TCF4: variants seen among roughly 807,000 people sequenced by gnomAD.
The protein encoded by TCF4 is SL3-3 enhancer factor 2.
TCF4 carries 3 observed loss-of-function variants against 82.1 expected under a neutral mutation model. The observed-to-expected ratio is 0.04, with a 90% CI of 0.02 to 0.09. The LOEUF is 0.09. Among genes scored for constraint, TCF4 ranks in the 10% least tolerant of loss-of-function variants. The pLI, the probability that TCF4 is intolerant of heterozygous loss-of-function variation, is 1.00. For synonymous variants in TCF4, 276 were observed against 309.6 expected (o/e 0.89, Z 1.14); for missense variants, 518 against 852.7 (o/e 0.61, Z 4.89).
chr18:55,351,964 C>CT (rs1309764116), intron 6 of TCF4: 1 of 773,898 alleles, frequency 1.3e-6, no homozygotes, highest in African/African-American at 1.9e-5. Flanking sequence ...TTTATCGTTA[C>CT]TTGTAATCAA....
At chr18:55,495,762 T>G (rs1393104518) in intron 3 of TCF4, 3 of 152,176 alleles carry the variant, frequency 2.0e-5, no homozygotes, top group Non-Finnish European at 2.9e-5. Flanking sequence ...AATTGTATAC[T>G]AGGCAGCAAT....
At chr18:55,534,271 A>C (rs191531532) in intron 3 of TCF4, among the ~76,000 whole-genome samples, 8 of 152,330 alleles carry the variant, frequency 5.3e-5, no homozygotes, top group Non-Finnish European at 1.2e-4. Context: ...AATGCTTAAG[A>C]CTGGGCCTTC....
At chr18:55,384,112 T>A (rs1171786835) in intron 6 of TCF4, 2 of 152,248 alleles carry the variant, frequency 1.3e-5, no homozygotes, top group Non-Finnish European at 2.9e-5. Context: ...CGGGTTAATA[T>A]TCTTTTCTGA....
chr18:55,439,379 A>C (rs1004877375), intron 5 of TCF4, among the ~76,000 whole-genome samples: 2 of 152,204 alleles, frequency 1.3e-5, no homozygotes, highest in Admixed American at 1.3e-4. Context: ...ACCTTTGCCC[A>C]TCAAGTAGCT....
intron 3 of TCF4, among the ~76,000 whole-genome samples, chr18:55,575,603 C>T (rs1014137027): frequency 6.6e-5 from 10 of 151,994 alleles, no homozygotes; most frequent in African/African-American, 1.9e-4. Flanking sequence ...ATACCAAGCA[C>T]AGTCATTCAT....
intron 16 of TCF4, chr18:55,234,333 G>A (rs2048747522): frequency 3.1e-6 from 2 of 651,410 alleles, no homozygotes; most frequent in African/African-American, 3.6e-5. Context: ...ATAGGACCAG[G>A]ATTTCAGAGG....
chr18:55,274,008 A>AAATGGG (rs1192721857), intron 10 of TCF4, among the ~76,000 whole-genome samples: 2 of 152,142 alleles, frequency 1.3e-5, no homozygotes, highest in African/African-American at 4.8e-5. Flanking sequence ...AATTAATGTC[A>AAATGGG]AATGGGCAAC....
chr18:55,480,846 G>A (rs1363153462), intron 3 of TCF4, among the ~76,000 whole-genome samples: 1 of 152,196 alleles, frequency 6.6e-6, no homozygotes, highest in African/African-American at 2.4e-5. Context: ...GCTCACGCCT[G>A]TAATCCCAAC....
intron 5 of TCF4, among the ~76,000 whole-genome samples, chr18:55,444,678 G>A (rs757767283): frequency 6.6e-6 from 1 of 152,054 alleles, no homozygotes; most frequent in African/African-American, 2.4e-5. Context: ...TCTCTCTCTG[G>A]GGAACTTATC....
chr18:55,224,306 A>C lies in TCF4; in HGVS notation c.*3729T>G, dbSNP rs971131975. ...GCAAAACCAGCACTGCACAAAGATG[A>C]GTCCACTTCAAGTCCCATGAGAAAG... On this transcript the variant is annotated 3_prime_UTR_variant, in exon 20 of 20. Transcript: ENST00000354452. 1 of 152,610 alleles carries C rather than the reference A, an allele frequency of 6.6e-6. No homozygotes were observed. The highest frequency in any genetic ancestry group is 1.5e-5 in the Non-Finnish European group (1 of 68,026). The allele number at this position is 152,610 out of a possible 1,614,324, so 9.5% of individuals were successfully genotyped here.
At chr18:55,544,485 G>C (rs557645360) in intron 3 of TCF4, among the ~76,000 whole-genome samples, 3 of 152,254 alleles carry the variant, frequency 2.0e-5, no homozygotes, top group East Asian at 3.9e-4. Flanking sequence ...TTAGAGATAA[G>C]ATCATTTCTA....
intron 2 of TCF4, among the ~76,000 whole-genome samples, chr18:55,615,256 G>A (rs2147970771): frequency 6.6e-6 from 1 of 152,154 alleles, no homozygotes; most frequent in African/African-American, 2.4e-5. Context: ...TCTCAGCAAT[G>A]ATTTCTAGTT....
intron 5 of TCF4, among the ~76,000 whole-genome samples, chr18:55,415,558 G>C (rs770016110): frequency 1.3e-5 from 2 of 152,218 alleles, no homozygotes; most frequent in Non-Finnish European, 2.9e-5. Context: ...TGGGGGAGGA[G>C]GGGTACAGTC....
chr18:55,303,187 C>A (rs1245246889), intron 8 of TCF4, among the ~76,000 whole-genome samples: 1 of 148,688 alleles, frequency 6.7e-6, no homozygotes, highest in Non-Finnish European at 1.5e-5. Context: ...GAAAGAAGAA[C>A]CTCCTTCTCT....
chr18:55,585,323 T>C lies in TCF4; in HGVS notation c.102A>G (p.Lys34=). Residue 34 remains lysine, a synonymous_variant, in exon 3 of 20, where the codon AAA becomes AAG. Coordinates refer to ENST00000354452, the MANE Select transcript of TCF4 (RefSeq NM_001083962.2). ...CACTTGCCAAAGAAGTTGGTCCATT[T>C]TTCCCACTGCTCACAGGAGGTGAAA... ...AMFSPPVSSG[K]NGPTSLASGH... 4 of 1,614,044 alleles carry C rather than the reference T, an allele frequency of 2.5e-6. No individual in the cohort carries two copies. Among genetic ancestry groups the C allele is most frequent in the Non-Finnish European group, 3.4e-6 (4 of 1,179,950 alleles).
intron 3 of TCF4, among the ~76,000 whole-genome samples, chr18:55,562,212 T>C (rs1194236472): frequency 2.0e-5 from 3 of 152,204 alleles, no homozygotes; most frequent in Non-Finnish European, 4.4e-5. Flanking sequence ...ATTTGGCCCC[T>C]CTCAGAGAAA....
intron 8 of TCF4, among the ~76,000 whole-genome samples, chr18:55,294,961 C>T (rs924193822): frequency 7.9e-5 from 12 of 152,116 alleles, no homozygotes; most frequent in Admixed American, 5.9e-4. Context: ...TCCCAAAATT[C>T]GGAAACATAA....
At chr18:55,295,919 C>A (rs1197268251) in intron 8 of TCF4, among the ~76,000 whole-genome samples, 4 of 152,074 alleles carry the variant, frequency 2.6e-5, no homozygotes, top group Non-Finnish European at 5.9e-5. Flanking sequence ...AGCCTGTACA[C>A]CCCAATCAAT....
At chr18:55,364,374 A>G (rs543116328) in intron 6 of TCF4, among the ~76,000 whole-genome samples, 1 of 152,356 alleles carries the variant, frequency 6.6e-6, no homozygotes, top group South Asian at 2.1e-4. Context: ...TGTTTTTAAA[A>G]GTAGCTTCTG....
Sources: gnomAD v4.1 joint callset for allele counts (sites outside exome capture counted in the v4.1 genomes callset) on GRCh38, gnomAD v4.1.1 for gene constraint, MANE v1.5 for transcripts, NCBI Gene and HGNC (gene_info 2026-07-23, HGNC 2026-07-21) for gene names.